Variants in PAQR3 observed in about 807,000 individuals in gnomAD.
The protein encoded by PAQR3 is Raf kinase trapping to Golgi.
PAQR3 carries 39 observed loss-of-function variants against 41.7 expected under a neutral mutation model. That is an observed-to-expected ratio of 0.93 (90% CI 0.72 to 1.22). The LOEUF is 1.22. PAQR3 is among the 50% of genes most tolerant of loss of function. The pLI is 0.00. For missense variants in PAQR3, 366 were observed against 385.6 expected (o/e 0.95, Z 0.42); for synonymous variants, 140 against 140.6 (o/e 1.00, Z 0.03).
downstream of PAQR3, among the ~76,000 whole-genome samples, chr4:78,909,477 A>G (rs1284366255): frequency 6.6e-6 from 1 of 152,144 alleles, no homozygotes; most frequent in Non-Finnish European, 1.5e-5. Flanking sequence ...ATGGCCTTAG[A>G]GGACCTTCAC....
chr4:78,901,506 A>G, intron 11 of PAQR3, among the ~76,000 whole-genome samples: 1 of 152,206 alleles, frequency 6.6e-6, no homozygotes, highest in East Asian at 1.9e-4. Flanking sequence ...GAGGATTTCC[A>G]CTACCAGTAT....
downstream of PAQR3, among the ~76,000 whole-genome samples, chr4:78,908,736 C>T (rs114354761): frequency 0.036 from 5,539 of 152,232 alleles, 355 homozygotes; most frequent in African/African-American, 0.13. Context: ...TTCCAACTTA[C>T]TCATTTTTTA....
At chr4:78,923,592 A>G (rs796848957) in intron 5 of PAQR3, 33 of 451,370 alleles carry the variant, frequency 7.3e-5, no homozygotes, top group African/African-American at 6.3e-4. Flanking sequence ...TGGGAGTCAG[A>G]AGACTCAAAG....
At chr4:78,889,065 C>CA (rs1485960303) in intron 11 of PAQR3, among the ~76,000 whole-genome samples, 4 of 151,776 alleles carry the variant, frequency 2.6e-5, no homozygotes, top group Non-Finnish European at 4.4e-5. Context: ...ACTAAAAATA[C>CA]AAAAAATCAG....
intron 5 of PAQR3, chr4:78,922,773 A>T (rs967037633): frequency 7.9e-6 from 3 of 379,590 alleles, no homozygotes. Context: ...GGGAAAAAAA[A>T]GTATTTCCAT....
chr4:78,920,222 G>A lies in PAQR3; in HGVS notation c.*317C>T, dbSNP rs186642348. The A allele has an allele frequency of 4.0e-4, 408 of 1,028,344 alleles. No individual in the cohort carries two copies. The African/African-American group carries it at 6.5e-3, about 16-fold the overall frequency. The allele number at this position is 1,028,344 out of a possible 1,614,324, so 63.7% of individuals were successfully genotyped here. A position where few individuals can be genotyped will look rare whatever the true frequency, so the allele number is the denominator to read the frequency against. On this transcript the variant is annotated 3_prime_UTR_variant, in exon 6 of 6. Transcript: ENST00000512733. Reference sequence around the variant, plus strand: ...CTAATGGACATGAGCCCTTCCTAAGGAAATTAAGCTGGTGCTAAGTAAAAT... The same window carrying A: ...CTAATGGACATGAGCCCTTCCTAAGAAAATTAAGCTGGTGCTAAGTAAAAT...
At position 78,893,643 on chromosome 4, in the gene PAQR3, G is replaced by T. The variant is rs530210971; in HGVS notation, c.*837-5495C>A. 4.0e-4 allele frequency among the ~76,000 whole-genome samples: 61 copies of T among 152,282 alleles called. 1 individual carries two copies. The highest frequency in any genetic ancestry group is 1.4e-3 in the African/African-American group (59 of 41,560). On this transcript the variant is annotated intron_variant and NMD_transcript_variant, in intron 11 of 12. Transcript: ENST00000342820. ...AGTGGCATGGTCATAACTCACTATG[G>T]CCTCGAACTCCTGGGCTCCAGTGAT... is the stretch of plus-strand genomic sequence containing the variant.
At chr4:78,910,645 A>G (rs1346091342), downstream of PAQR3, 6 of 1,559,858 alleles carry the variant, frequency 3.8e-6, no homozygotes, top group Non-Finnish European at 5.2e-6. Flanking sequence ...TTCATCTATA[A>G]ATCAAGAAAA....
In PAQR3 at chr4:78,923,890, A is replaced by G. The variant is rs1257701443; in HGVS notation, c.760T>C (p.Tyr254His). 1.2e-6 allele frequency: 2 copies of G among 1,613,176 alleles called. No individual in the cohort carries two copies. The highest frequency in any genetic ancestry group is 8.5e-7 in the Non-Finnish European group (1 of 1,179,368). ...TACCGCTCTGGGACTTTGGAAATGT[A>G]GAATAGGAAAGCAAGAAGAGCAATC... The part of the protein sequence containing the change: ...YMIALLAFLF[Y>H]ISKVPERYFP... The change falls in exon 5 of 6, where the codon TAC becomes CAC. Residue 254 changes from tyrosine (Y) to histidine (H), a missense_variant. Coordinates refer to ENST00000512733, the MANE Select transcript of PAQR3 (RefSeq NM_001040202.2).
chr4:78,907,778 G>A (rs905293367), downstream of PAQR3, among the ~76,000 whole-genome samples: 5 of 152,150 alleles, frequency 3.3e-5, no homozygotes, highest in Admixed American at 3.3e-4. Context: ...CTTGGTTCTT[G>A]TTAGGGAAAT....
chr4:78,912,012 T>C lies in PAQR3; in HGVS notation c.*8527A>G, dbSNP rs1331478015. 3 of 1,611,028 alleles carry C rather than the reference T, an allele frequency of 1.9e-6. No homozygotes were observed. The highest frequency in any genetic ancestry group is 2.7e-5 in the African/African-American group (2 of 74,902). On this transcript the variant is annotated 3_prime_UTR_variant, in exon 6 of 6. Transcript: ENST00000512733. ...TCGAATTAGACCCATTTGGTGCTGC[T>C]CCATTTCCTTCTAAACAGTAGATAC... is the stretch of plus-strand genomic sequence containing the variant.
chr4:78,890,430 G>A (rs1733372165), intron 11 of PAQR3, among the ~76,000 whole-genome samples: 1 of 149,074 alleles, frequency 6.7e-6, no homozygotes, highest in Admixed American at 6.6e-5. Flanking sequence ...ACACACACGT[G>A]TCCTGTCCTT....
intron 2 of PAQR3, among the ~76,000 whole-genome samples, chr4:78,933,758 C>G (rs1250606134): frequency 6.6e-6 from 1 of 152,070 alleles, no homozygotes; most frequent in Non-Finnish European, 1.5e-5. Flanking sequence ...TTATTTAATC[C>G]TTTTTAGTTT....
intron 11 of PAQR3, among the ~76,000 whole-genome samples, chr4:78,888,693 C>T (rs900855737): frequency 4.6e-5 from 7 of 152,186 alleles, no homozygotes; most frequent in African/African-American, 1.7e-4. Flanking sequence ...TACTTCGCAA[C>T]ATGTTCACAG....
intron 2 of PAQR3, among the ~76,000 whole-genome samples, chr4:78,931,248 C>T (rs995709769): frequency 2.0e-5 from 3 of 147,102 alleles, no homozygotes; most frequent in Non-Finnish European, 1.5e-5. Context: ...GTCCCAGCTA[C>T]TTGGGAGGCT....
intron 5 of PAQR3, chr4:78,922,235 A>G (rs1560572281): frequency 4.1e-6 from 5 of 1,208,620 alleles, no homozygotes. Flanking sequence ...CCTCATGTTT[A>G]CAACGCAGGT....
At chr4:78,923,577 G>A in intron 5 of PAQR3, 1 of 412,124 alleles carries the variant, frequency 2.4e-6, no homozygotes, top group South Asian at 3.3e-5. Context: ...AAAAGAAATA[G>A]TGCTTGGGAG....
At chr4:78,926,486 A>G in intron 4 of PAQR3, 35 bp downstream of exon 4, 1 of 1,554,770 alleles carries the variant, frequency 6.4e-7, no homozygotes, top group South Asian at 1.2e-5. Context: ...AAAGGAAAAA[A>G]AAAAAGAGAA....
At chr4:78,927,924 A>T (rs1164023575) in intron 3 of PAQR3, among the ~76,000 whole-genome samples, 1 of 152,180 alleles carries the variant, frequency 6.6e-6, no homozygotes, top group African/African-American at 2.4e-5. Flanking sequence ...TTCCAATCTC[A>T]TTCTGAAAGC....
Sources: allele counts gnomAD v4.1 joint callset (sites outside exome capture counted in the v4.1 genomes callset), GRCh38; gene constraint gnomAD v4.1.1; transcripts MANE v1.5; gene names NCBI Gene and HGNC (gene_info 2026-07-23, HGNC 2026-07-21).